The following PLCL1 variants were observed in gnomAD, a reference collection of about 807,000 sequenced individuals.
PLCL1 encodes phospholipase C like 1 (inactive), also known as inactive phospholipase C-like protein 1.
In PLCL1, 41 loss-of-function variants were observed where a neutral mutation model predicts 84.4. That is an observed-to-expected ratio of 0.49 (90% CI 0.38 to 0.63). The LOEUF is 0.63. PLCL1 is among the 30% of genes least tolerant of loss of function. The pLI, the probability that PLCL1 is intolerant of heterozygous loss-of-function variation, is 0.00. For missense variants in PLCL1, 1,206 were observed against 1,367.8 expected (o/e 0.88, Z 1.87); for synonymous variants, 490 against 488.3 (o/e 1.00, Z -0.05).
Position 197,917,455 on chromosome 2 carries a change from G to A in PLCL1, c.240+112116G>A, listed in dbSNP as rs188855126. Among the ~76,000 whole-genome samples the A allele has an allele frequency of 2.2e-3, 332 of 152,346 alleles. 3 individuals carry two copies. Among genetic ancestry groups the A allele is most frequent in the African/African-American group, 7.4e-3 (309 of 41,578 alleles). On this transcript the variant is annotated intron_variant, in intron 1 of 5. Coordinates refer to ENST00000428675, the MANE Select transcript of PLCL1 (RefSeq NM_006226.4). ...CTGTAGTAATAGTAAAACTATTAGT[G>A]GTTGCTGGCAGAGGAAGCAGGGTTG...
intron 5 of PLCL1, among the ~76,000 whole-genome samples, chr2:198,115,675 G>A (rs1445809764): frequency 1.3e-5 from 2 of 151,744 alleles, no homozygotes; most frequent in Non-Finnish European, 2.9e-5. Flanking sequence ...GGCAGAAGAC[G>A]GAAGAAGAGC....
At chr2:198,122,281 C>T (rs1693886460) in intron 5 of PLCL1, among the ~76,000 whole-genome samples, 1 of 152,038 alleles carries the variant, frequency 6.6e-6, no homozygotes. Context: ...CACTTTAACT[C>T]CCTTTAGGTT....
At chr2:197,948,394 A>G (rs1375313274) in intron 1 of PLCL1, among the ~76,000 whole-genome samples, 1 of 152,170 alleles carries the variant, frequency 6.6e-6, no homozygotes, top group Non-Finnish European at 1.5e-5. Context: ...CTGAGGGTAG[A>G]CAGTTGCCTT....
intron 5 of PLCL1, among the ~76,000 whole-genome samples, chr2:198,132,606 AG>A (rs1256694342): frequency 6.6e-6 from 1 of 152,176 alleles, no homozygotes; most frequent in Non-Finnish European, 1.5e-5. Context: ...AGGAAGGATT[AG>A]GGAGGCCTTA....
intron 1 of PLCL1, among the ~76,000 whole-genome samples, chr2:197,884,545 G>A (rs734037): frequency 0.73 from 110,792 of 152,062 alleles, 41,444 homozygotes; most frequent in African/African-American, 0.9. Context: ...TTGGCTGTCA[G>A]CCAGGAATCT....
chr2:197,933,396 T>C (rs958338277), intron 1 of PLCL1, among the ~76,000 whole-genome samples: 2 of 151,934 alleles, frequency 1.3e-5, no homozygotes, highest in African/African-American at 4.8e-5. Context: ...CTCAAGTAGC[T>C]GGGACTACAG....
At chr2:197,850,795 C>T (rs1217589046) in intron 1 of PLCL1, among the ~76,000 whole-genome samples, 34 of 152,102 alleles carry the variant, frequency 2.2e-4, no homozygotes, top group Admixed American at 2.0e-3. Context: ...GATTCAAGAA[C>T]ACATATTGGA....
chr2:197,928,655 T>C (rs542759778), intron 1 of PLCL1, among the ~76,000 whole-genome samples: 1 of 152,288 alleles, frequency 6.6e-6, no homozygotes, highest in East Asian at 1.9e-4. Context: ...TATGATGAAA[T>C]GTTAATGATG....
intron 1 of PLCL1, among the ~76,000 whole-genome samples, chr2:198,055,831 A>G (rs775872444): frequency 3.9e-5 from 6 of 152,240 alleles, no homozygotes. Context: ...AGTGATAGGG[A>G]TGAAATAATC....
chr2:198,116,430 G>T (rs1693751155), intron 5 of PLCL1, among the ~76,000 whole-genome samples: 1 of 151,792 alleles, frequency 6.6e-6, no homozygotes, highest in African/African-American at 2.4e-5. Flanking sequence ...ATCTATGAAT[G>T]CAGGATAATT....
intron 1 of PLCL1, among the ~76,000 whole-genome samples, chr2:197,989,365 G>A (rs751535027): frequency 6.6e-6 from 1 of 152,142 alleles, no homozygotes; most frequent in Non-Finnish European, 1.5e-5. Context: ...CTTAGAGAAA[G>A]AGACACCACT....
chr2:198,071,098 GCACACACACACACA>G (rs56759346), intron 1 of PLCL1: 2,330 of 147,828 alleles, frequency 0.016, 22 homozygotes, highest in Non-Finnish European at 0.024. Flanking sequence ...TTTTAAGTAT[GCACACACACACACA>G]CACACACACA....
intron 5 of PLCL1, among the ~76,000 whole-genome samples, chr2:198,124,945 A>G (rs1693951495): frequency 6.6e-6 from 1 of 152,184 alleles, no homozygotes; most frequent in Non-Finnish European, 1.5e-5. Flanking sequence ...ATTGAATAAA[A>G]TTAGATATTC....
At chr2:198,141,843 C>T (rs929545171) in intron 5 of PLCL1, among the ~76,000 whole-genome samples, 1 of 152,146 alleles carries the variant, frequency 6.6e-6, no homozygotes, top group Admixed American at 6.6e-5. Context: ...AATACTCACA[C>T]GAGTTGACTT....
At position 198,084,468 on chromosome 2, in the gene PLCL1, T is replaced by C; in HGVS notation, c.951T>C (p.Tyr317=). 4.3e-6 allele frequency: 7 copies of C among 1,614,028 alleles called. No individual in the cohort carries two copies. Among genetic ancestry groups the C allele is most frequent in the Non-Finnish European group, 5.9e-6 (7 of 1,179,900 alleles). Residue 317 remains tyrosine (Y), a synonymous_variant, in exon 2 of 6, where the codon TAT becomes TAC. Transcript: ENST00000428675. ...AACTTTGCACCAGGCCAGAAGTGTA[T>C]TTCTTACTTGTACAGATATCTAAAA... ...FCELCTRPEV[Y]FLLVQISKNK... is the part of the protein sequence containing the mutation.
At chr2:197,830,884 T>A (rs1055362580) in intron 1 of PLCL1, among the ~76,000 whole-genome samples, 1 of 151,852 alleles carries the variant, frequency 6.6e-6, no homozygotes, top group Non-Finnish European at 1.5e-5. Context: ...TCTTAAAGAA[T>A]TTTCAACCCA....
chr2:197,871,007 A>G (rs1161201685), intron 1 of PLCL1, among the ~76,000 whole-genome samples: 3 of 152,098 alleles, frequency 2.0e-5, no homozygotes, highest in Non-Finnish European at 4.4e-5. Flanking sequence ...CATGAGCAAG[A>G]GTGAACATTT....
rs75825403 is a variant in PLCL1, at chr2:198,049,963, G to A, written c.241-33795G>A. On this transcript the variant is annotated intron_variant, in intron 1 of 5. Coordinates refer to ENST00000428675, the MANE Select transcript of PLCL1 (RefSeq NM_006226.4). ...GATGGGCACATCTATCACCCATGGG[G>A]CCACTGTGTCCTGAAAGACCTTGTA... Among the ~76,000 whole-genome samples the A allele has an allele frequency of 6.1e-3, 933 of 152,266 alleles. 7 individuals are homozygous for A. The highest frequency in any genetic ancestry group is 0.014 in the Middle Eastern group (4 of 294).
At chr2:198,038,205 T>G (rs1691587658) in intron 1 of PLCL1, among the ~76,000 whole-genome samples, 1 of 152,174 alleles carries the variant, frequency 6.6e-6, no homozygotes, top group Non-Finnish European at 1.5e-5. Context: ...AAGCAAAGTG[T>G]GTACACACAC....
Sources: gnomAD v4.1 joint callset for allele counts (sites outside exome capture counted in the v4.1 genomes callset) on GRCh38, gnomAD v4.1.1 for gene constraint, MANE v1.5 for transcripts, NCBI Gene and HGNC (gene_info 2026-07-23, HGNC 2026-07-21) for gene names.